Variants in SPAG17 observed in about 807,000 individuals in gnomAD.
SPAG17 encodes sperm-associated antigen 17.
SPAG17 carries 169 observed loss-of-function variants against 273.6 expected under a neutral mutation model. The ratio of observed to expected loss-of-function variants is 0.62; its 90% CI spans 0.55 to 0.70. The LOEUF is 0.70. Ranked by LOEUF, SPAG17 falls within the 30% of genes least tolerant of loss-of-function variation. The pLI is 0.00. For synonymous variants in SPAG17, 825 were observed against 873.2 expected, an observed-to-expected ratio of 0.94 and a Z score of 0.97; for missense variants, 2,557 against 2,627.8, an observed-to-expected ratio of 0.97 and a Z score of 0.59.
chr1:118,105,761 G>T (rs1461446472), intron 4 of SPAG17, among the ~76,000 whole-genome samples: 1 of 152,186 alleles, frequency 6.6e-6, no homozygotes, highest in East Asian at 1.9e-4. Context: ...AGGTTCAAGG[G>T]AGGCAATGGC....
chr1:118,085,378 C>A (rs967232470), intron 13 of SPAG17, among the ~76,000 whole-genome samples: 19 of 152,186 alleles, frequency 1.2e-4, no homozygotes, highest in African/African-American at 4.3e-4. Flanking sequence ...GTCCAGGTTG[C>A]TCTTCCCTCT....
intron 18 of SPAG17, among the ~76,000 whole-genome samples, chr1:118,062,291 CG>C (rs1652399382): frequency 7.3e-6 from 1 of 136,056 alleles, no homozygotes; most frequent in African/African-American, 2.7e-5. Context: ...GGCACGAACC[CG>C]GGAGGCGGAG....
intron 3 of SPAG17, among the ~76,000 whole-genome samples, chr1:118,145,708 G>T (rs1350721773): frequency 1.3e-5 from 2 of 151,412 alleles, no homozygotes; most frequent in Non-Finnish European, 2.9e-5. Context: ...TTTTTTTACT[G>T]ACAGGAGTAA....
chr1:118,101,587 G>A (rs1656065380), intron 5 of SPAG17, among the ~76,000 whole-genome samples, 153 bp downstream of exon 5: 1 of 152,130 alleles, frequency 6.6e-6, no homozygotes, highest in South Asian at 2.1e-4. Context: ...CATGAGGCAG[G>A]AAAATTCTAG....
chr1:117,956,041 G>A (rs1184460425), intron 48 of SPAG17, among the ~76,000 whole-genome samples: 1 of 152,148 alleles, frequency 6.6e-6, no homozygotes, highest in African/African-American at 2.4e-5. Context: ...CAGTGTGTGA[G>A]CCAAAAGGTA....
chr1:118,153,505 A>G (rs1051391773), intron 1 of SPAG17, among the ~76,000 whole-genome samples: 3 of 152,178 alleles, frequency 2.0e-5, no homozygotes, highest in Non-Finnish European at 4.4e-5. Flanking sequence ...TAATAAAACT[A>G]TCAGGGAAAT....
At chr1:118,027,454 T>C (rs980444957) in intron 26 of SPAG17, among the ~76,000 whole-genome samples, 2 of 152,224 alleles carry the variant, frequency 1.3e-5, no homozygotes, top group Non-Finnish European at 2.9e-5. Flanking sequence ...GGATATTAAG[T>C]TGTGAAACTG....
intron 15 of SPAG17, among the ~76,000 whole-genome samples, chr1:118,080,565 T>C (rs973198318): frequency 1.2e-4 from 18 of 152,212 alleles, no homozygotes; most frequent in African/African-American, 4.3e-4. Flanking sequence ...AAAATAGCTA[T>C]ATTTTACACA....
intron 32 of SPAG17, among the ~76,000 whole-genome samples, chr1:118,004,376 C>A (rs1027852366): frequency 6.6e-6 from 1 of 152,248 alleles, no homozygotes; most frequent in Admixed American, 6.5e-5. Context: ...TTTAAGTCTG[C>A]AGAAGTTGTC....
intron 6 of SPAG17, among the ~76,000 whole-genome samples, 164 bp from the exon 7 acceptor site, chr1:118,098,015 T>C (rs1453572695): frequency 6.6e-6 from 1 of 152,220 alleles, no homozygotes; most frequent in East Asian, 1.9e-4. Context: ...GAGTATACAA[T>C]TGTGAAATCA....
intron 18 of SPAG17, among the ~76,000 whole-genome samples, chr1:118,057,138 G>A (rs771598441): frequency 2.0e-5 from 3 of 151,528 alleles, no homozygotes; most frequent in Non-Finnish European, 4.4e-5. Context: ...CACCATGCCC[G>A]GCTTCTTATT....
At chr1:118,055,628 G>T (rs981843828) in intron 19 of SPAG17, 105 bp downstream of exon 19, 4 of 979,548 alleles carry the variant, frequency 4.1e-6, no homozygotes, top group South Asian at 3.1e-5. Flanking sequence ...AACTTTTTTG[G>T]GTAATTCTTT....
intron 3 of SPAG17, among the ~76,000 whole-genome samples, chr1:118,148,842 T>C (rs1274594930): frequency 6.6e-6 from 1 of 152,230 alleles, no homozygotes; most frequent in Non-Finnish European, 1.5e-5. Context: ...GGGTTGCCAG[T>C]GACTTTTCAA....
At chr1:118,143,595 C>G (rs1251746467) in intron 3 of SPAG17, among the ~76,000 whole-genome samples, 1 of 152,124 alleles carries the variant, frequency 6.6e-6, no homozygotes, top group African/African-American at 2.4e-5. Context: ...ATATGAACTA[C>G]CCAGCACACA....
intron 1 of SPAG17, among the ~76,000 whole-genome samples, chr1:118,170,163 G>A (rs562986727): frequency 6.6e-6 from 1 of 152,246 alleles, no homozygotes; most frequent in South Asian, 2.1e-4. Flanking sequence ...ATATTTCAAA[G>A]TAAATCAGTG....
chr1:118,064,080 G>C (rs1170103383), intron 18 of SPAG17, among the ~76,000 whole-genome samples: 1 of 152,090 alleles, frequency 6.6e-6, no homozygotes, highest in African/African-American at 2.4e-5. Flanking sequence ...AAAAAGTCAG[G>C]AAACAACAGG....
chr1:117,958,767 CT>C (rs3215666), intron 48 of SPAG17: 48,521 of 357,474 alleles, frequency 0.14, 1 homozygote, highest in East Asian at 0.2. Context: ...ACTTCTTTGG[CT>C]TTTTTTTTTT....
At chr1:118,096,360 T>A (rs1472563669) in intron 7 of SPAG17, among the ~76,000 whole-genome samples, 1 of 151,612 alleles carries the variant, frequency 6.6e-6, no homozygotes, top group African/African-American at 2.4e-5. Context: ...CGGCTTTTTT[T>A]TTTTTCTTGT....
Position 118,097,682 on chromosome 1 carries a change from A to G in SPAG17, c.999T>C (p.Asp333=), listed in dbSNP as rs779897809. ...TGTGTGTACTAACCATCATCTCACCATCTGACCAGTCAGAAGGAAAATCAG... is the reference window on the plus strand; with the variant it reads ...TGTGTGTACTAACCATCATCTCACCGTCTGACCAGTCAGAAGGAAAATCAG... ...KAADFPSDWS[D]GEMMLKLGTD... Residue 333 remains aspartate, a synonymous_variant, in exon 7 of 49, where the codon GAT becomes GAC. Transcript: ENST00000336338. 6 of 1,600,540 alleles carry G rather than the reference A, an allele frequency of 3.7e-6. No homozygotes were observed. The highest frequency in any genetic ancestry group is 4.3e-6 in the Non-Finnish European group (5 of 1,175,368).
Sources: allele counts gnomAD v4.1 joint callset (sites outside exome capture counted in the v4.1 genomes callset), GRCh38; gene constraint gnomAD v4.1.1; transcripts MANE v1.5; gene names NCBI Gene and HGNC (gene_info 2026-07-23, HGNC 2026-07-21).